PCLO: variants seen among roughly 807,000 people sequenced by gnomAD.
PCLO encodes the protein protein piccolo.
A neutral mutation model predicts 427.5 loss-of-function variants in PCLO; 82 were observed. The observed-to-expected ratio is 0.19, with a 90% CI of 0.16 to 0.23. The LOEUF (loss-of-function observed/expected upper bound fraction) is 0.23, where lower values mean the gene tolerates loss of function less well. Ranked by LOEUF, PCLO falls within the 10% of genes least tolerant of loss-of-function variation. PCLO has a pLI of 1.00. For synonymous variants in PCLO, 2,357 were observed against 2,155.4 expected, an observed-to-expected ratio of 1.09 and a Z score of -2.59; for missense variants, 6,239 against 6,115.9, an observed-to-expected ratio of 1.02 and a Z score of -0.67.
intron 2 of PCLO, among the ~76,000 whole-genome samples, chr7:83,152,254 A>G (rs773110906): frequency 7.2e-5 from 11 of 152,218 alleles, no homozygotes; most frequent in South Asian, 2.1e-4. Context: ...ATGAGCCACC[A>G]CGCCCGGCCC....
At position 82,830,805 on chromosome 7, in the gene PCLO, T is replaced by C. The variant is rs1019783553; in HGVS notation, c.14250-2839A>G. Reference sequence around the variant, plus strand: ...CATATTAAAATAGTCTGAAGTAGTATTAAAATACCTTTGAAGGGATTTATC... The same window carrying C: ...CATATTAAAATAGTCTGAAGTAGTACTAAAATACCTTTGAAGGGATTTATC... On this transcript the variant is annotated intron_variant, in intron 16 of 24. Transcript: ENST00000333891. 3.3e-5 allele frequency among the ~76,000 whole-genome samples: 5 copies of C among 152,144 alleles called. No homozygotes were observed. The Middle Eastern group carries it at 0.01, about 313-fold the overall frequency.
chr7:82,949,631 G>A lies in PCLO; in HGVS notation c.10957C>T (p.Pro3653Ser). The A allele has an allele frequency of 1.2e-6, 2 of 1,613,834 alleles. No individual in the cohort carries two copies. Among genetic ancestry groups the A allele is most frequent in the Non-Finnish European group, 1.7e-6 (2 of 1,179,846 alleles). Residue 3653 changes from proline to serine, a missense_variant, in exon 6 of 25, where the codon CCA (proline) becomes TCA (serine). By Grantham distance (74) the Pro-to-Ser change is moderately conservative (BLOSUM62 -1). This residue lies in a region of PCLO where 4,677 missense variants were observed against 4,468.4 expected (regional missense o/e 1.05). Transcript: ENST00000333891. ...YEKPLPDDIS[P>S]QKVLHPDMAK... is the part of the protein sequence containing the mutation. ...ATATCTGGATGCAGTACTTTCTGTG[G>A]ACTTATATCATCAGGGAGGGGTTTT... is the stretch of plus-strand genomic sequence containing the variant.
At chr7:83,064,209 A>G (rs1475187711) in intron 3 of PCLO, among the ~76,000 whole-genome samples, 3 of 152,064 alleles carry the variant, frequency 2.0e-5, no homozygotes, top group African/African-American at 7.2e-5. Flanking sequence ...AATATACCAT[A>G]AGAGAGCTCA....
intron 6 of PCLO, among the ~76,000 whole-genome samples, chr7:82,918,843 T>C (rs1309625531): frequency 6.6e-6 from 1 of 152,034 alleles, no homozygotes. Flanking sequence ...GAGGAGAATA[T>C]GAAATGAAAA....
chr7:82,827,987 G>T, intron 16 of PCLO, 21 bp from the exon 17 acceptor site: 2 of 1,351,696 alleles, frequency 1.5e-6, no homozygotes, highest in South Asian at 1.2e-5. Context: ...AGAAAAGAAA[G>T]AGTTATCTTG....
At chr7:82,789,826 G>A (rs945328614) in intron 22 of PCLO, among the ~76,000 whole-genome samples, 3 of 152,074 alleles carry the variant, frequency 2.0e-5, no homozygotes, top group East Asian at 3.9e-4. Flanking sequence ...TCAAAATCCC[G>A]TGAAGGTTTG....
chr7:83,075,014 C>G (rs1789914800), intron 3 of PCLO, among the ~76,000 whole-genome samples: 1 of 151,990 alleles, frequency 6.6e-6, no homozygotes, highest in Admixed American at 6.6e-5. Flanking sequence ...AAAATCAATC[C>G]AATAAACAGT....
At chr7:83,070,577 C>T (rs1202343041) in intron 3 of PCLO, among the ~76,000 whole-genome samples, 3 of 152,056 alleles carry the variant, frequency 2.0e-5, no homozygotes, top group Middle Eastern at 3.4e-3. Flanking sequence ...TTAGTAGAGA[C>T]GGGGTTTCAC....
At chr7:83,020,284 G>A (rs921352416) in intron 3 of PCLO, among the ~76,000 whole-genome samples, 4 of 152,178 alleles carry the variant, frequency 2.6e-5, no homozygotes, top group African/African-American at 9.6e-5. Flanking sequence ...TTTCATGAGG[G>A]TGCAGAATTT....
chr7:82,840,260 G>C (rs527540583), intron 14 of PCLO, among the ~76,000 whole-genome samples: 76 of 152,154 alleles, frequency 5.0e-4, no homozygotes, highest in African/African-American at 1.6e-3. Context: ...GAGGTCATCA[G>C]GGTAGTACTG....
At chr7:83,086,805 A>G (rs1042852419) in intron 3 of PCLO, among the ~76,000 whole-genome samples, 2 of 152,146 alleles carry the variant, frequency 1.3e-5, no homozygotes, top group African/African-American at 4.8e-5. Flanking sequence ...AATTTGTGAA[A>G]GATATAAATG....
Position 82,822,673 on chromosome 7 carries a change from G to A in PCLO, c.14613C>T (p.Thr4871=). 6 of 1,613,250 alleles carry A rather than the reference G, an allele frequency of 3.7e-6. No homozygotes were observed. The highest frequency in any genetic ancestry group is 5.1e-6 in the Non-Finnish European group (6 of 1,179,666). Residue 4871 remains threonine (T), a synonymous_variant, in exon 20 of 25, where the codon ACC becomes ACT. Transcript: ENST00000333891. ...PDPSKDMQVP[T]IEKSHSSPGS... ...CAGGACTACTATGGGATTTCTCAAT[G>A]GTGGGAACCTGCATGTCTGGTCACA...
chr7:83,066,341 A>C, intron 3 of PCLO, among the ~76,000 whole-genome samples: 1 of 152,018 alleles, frequency 6.6e-6, no homozygotes, highest in East Asian at 1.9e-4. Context: ...TGGTATGTCT[A>C]TCCATACCAT....
At chr7:82,764,950 T>G (rs1187430555) in intron 22 of PCLO, among the ~76,000 whole-genome samples, 1 of 151,884 alleles carries the variant, frequency 6.6e-6, no homozygotes, top group Non-Finnish European at 1.5e-5. Context: ...TCAAACACTA[T>G]ACCCTGATAA....
chr7:83,063,088 A>G (rs936156469), intron 3 of PCLO, among the ~76,000 whole-genome samples: 1 of 152,034 alleles, frequency 6.6e-6, no homozygotes, highest in African/African-American at 2.4e-5. Flanking sequence ...ATCTAGGTAA[A>G]ATTTTATTTC....
At chr7:83,051,502 T>C (rs1311912273) in intron 3 of PCLO, among the ~76,000 whole-genome samples, 2 of 152,194 alleles carry the variant, frequency 1.3e-5, no homozygotes, top group African/African-American at 4.8e-5. Flanking sequence ...CTAACAATTA[T>C]GTAAACAATC....
chr7:82,822,099 T>C, intron 20 of PCLO: 1 of 1,028,356 alleles, frequency 9.7e-7, no homozygotes, highest in East Asian at 9.3e-5. Flanking sequence ...GTGTGCACTT[T>C]TTTTTTTTTG....
In PCLO at chr7:83,135,227, T is replaced by C. The variant is rs368099363; in HGVS notation, c.2323A>G (p.Lys775Glu). The C allele has an allele frequency of 8.7e-6, 14 of 1,613,760 alleles. No homozygotes were observed. Among genetic ancestry groups the C allele is most frequent in the Admixed American group, 1.7e-5 (1 of 59,990 alleles). The change falls in exon 3 of 25, where the codon AAA becomes GAA. Residue 775 changes from lysine (K) to glutamate (E), a missense_variant. Coordinates refer to ENST00000333891, the MANE Select transcript of PCLO (RefSeq NM_033026.6). The part of the protein sequence containing the change: ...DLVSSSSATT[K>E]PDIPSSKVQS... Reference sequence around the variant, plus strand: ...ACTTTGGAGCTTGGAATATCAGGTTTTGTTGTTGCTGATGATGAAGATACA... The same window carrying C: ...ACTTTGGAGCTTGGAATATCAGGTTCTGTTGTTGCTGATGATGAAGATACA...
At chr7:82,806,842 C>T (rs1461779608) in intron 20 of PCLO, among the ~76,000 whole-genome samples, 4 of 152,166 alleles carry the variant, frequency 2.6e-5, no homozygotes, top group Admixed American at 6.6e-5. Flanking sequence ...ACTCTTCTTC[C>T]TCTTGTGATA....
Sources: allele counts gnomAD v4.1 joint callset (sites outside exome capture counted in the v4.1 genomes callset), GRCh38; gene constraint gnomAD v4.1.1; regional missense constraint gnomAD v4.1.1; transcripts MANE v1.5; gene names NCBI Gene and HGNC (gene_info 2026-07-23, HGNC 2026-07-21).